The following GPC5 variants were observed in gnomAD, a reference collection of about 807,000 sequenced individuals.
GPC5 encodes glypican-5.
A neutral mutation model predicts 53.9 loss-of-function variants in GPC5; 47 were observed. The ratio of observed to expected loss-of-function variants is 0.87; its 90% CI spans 0.69 to 1.11. The LOEUF (loss-of-function observed/expected upper bound fraction) is 1.11, where lower values mean the gene tolerates loss of function less well. Among genes scored for constraint, GPC5 ranks in the 50% most tolerant of loss-of-function variants. The pLI is 0.00. For synonymous variants in GPC5, 286 were observed against 263.3 expected (o/e 1.09, Z -0.84); for missense variants, 748 against 713.1 (o/e 1.05, Z -0.56).
At chr13:92,204,872 G>T (rs2042321701) in intron 7 of GPC5, among the ~76,000 whole-genome samples, 1 of 152,010 alleles carries the variant, frequency 6.6e-6, no homozygotes, top group South Asian at 2.1e-4. Flanking sequence ...TTGTTTTTTG[G>T]TTTTTGTTTG....
chr13:92,382,798 C>T (rs2043760140), intron 7 of GPC5, among the ~76,000 whole-genome samples: 4 of 151,754 alleles, frequency 2.6e-5, no homozygotes, highest in Admixed American at 2.0e-4. Flanking sequence ...ATCACGAGGT[C>T]AGGAGATCAA....
intron 5 of GPC5, among the ~76,000 whole-genome samples, chr13:91,777,650 A>T (rs886680953): frequency 1.1e-4 from 16 of 152,200 alleles, no homozygotes; most frequent in Non-Finnish European, 5.9e-5. Context: ...ATTTTAAATT[A>T]AAAAATGTCC....
intron 2 of GPC5, among the ~76,000 whole-genome samples, chr13:91,538,578 A>G (rs965663370): frequency 1.5e-5 from 2 of 136,202 alleles, no homozygotes; most frequent in Admixed American, 1.7e-4. Flanking sequence ...TTCATTGCAA[A>G]TAATTTTTTT....
chr13:92,455,317 G>C (rs1878217901), intron 7 of GPC5, among the ~76,000 whole-genome samples: 1 of 152,072 alleles, frequency 6.6e-6, no homozygotes, highest in Non-Finnish European at 1.5e-5. Flanking sequence ...GAAAAGGATA[G>C]AAATATCCAG....
intron 7 of GPC5, among the ~76,000 whole-genome samples, chr13:92,204,825 A>G (rs1189798583): frequency 1.3e-5 from 2 of 152,168 alleles, no homozygotes; most frequent in East Asian, 1.9e-4. Flanking sequence ...CAATCCAGGA[A>G]GCTCATAGGA....
intron 7 of GPC5, among the ~76,000 whole-genome samples, chr13:92,637,075 T>C (rs548353670): frequency 1.3e-5 from 2 of 152,248 alleles, no homozygotes; most frequent in African/African-American, 2.4e-5. Flanking sequence ...CCACTCTCAC[T>C]GTACTGCCTT....
rs59036154 is a variant in GPC5 at position 92,740,896 on chromosome 13, TTATATATATATA to T, written c.1562-125374_1562-125363del. Among the ~76,000 whole-genome samples, 23 of 134,904 alleles carry T rather than the reference TTATATATATATA, an allele frequency of 1.7e-4. No individual in the cohort carries two copies. The East Asian group carries it at 4.5e-3, about 26-fold the overall frequency. The allele number at this position is 134,904 out of a possible 152,430, so 88.5% of individuals were successfully genotyped here. ...TATGTATGTATGTATATTTATTTAT[TTATATATATATA>T]TATATATATATGTGCATATGTATGC... is the stretch of plus-strand genomic sequence containing the variant. On this transcript the variant is annotated intron_variant, in intron 7 of 7. Coordinates refer to ENST00000377067, the MANE Select transcript of GPC5 (RefSeq NM_004466.6).
At position 91,448,842 on chromosome 13, in the gene GPC5, G is replaced by T. The variant is rs201226040; in HGVS notation, c.245G>T (p.Arg82Leu). 3.7e-5 allele frequency: 60 copies of T among 1,612,124 alleles called. No homozygotes were observed. Among genetic ancestry groups the T allele is most frequent in the Non-Finnish European group, 4.9e-5 (58 of 1,179,444 alleles). The change falls in exon 2 of 8, where the codon CGC becomes CTC. Residue 82 changes from arginine to leucine, a missense_variant. Coordinates refer to ENST00000377067, the MANE Select transcript of GPC5 (RefSeq NM_004466.6). ...GAGGAGAGATATCAGATTGCGGCTC[G>T]CCAGGATATGCAGCAGTTTCTTCAA... ...KMEERYQIAA[R>L]QDMQQFLQTS...
intron 5 of GPC5, among the ~76,000 whole-genome samples, chr13:91,765,945 T>TA (rs1224595854): frequency 1.3e-5 from 2 of 152,228 alleles, no homozygotes; most frequent in African/African-American, 4.8e-5. Context: ...AACGGAGTGT[T>TA]ATACTATATT....
chr13:91,944,806 G>A (rs934774360), intron 6 of GPC5, among the ~76,000 whole-genome samples: 3 of 152,092 alleles, frequency 2.0e-5, no homozygotes, highest in African/African-American at 7.2e-5. Flanking sequence ...GCTTATAACT[G>A]TACACTTTAT....
chr13:91,608,369 T>A (rs562151556), intron 2 of GPC5, among the ~76,000 whole-genome samples: 1 of 152,330 alleles, frequency 6.6e-6, no homozygotes, highest in East Asian at 1.9e-4. Flanking sequence ...GAACAAAATT[T>A]GTTTCTGTCA....
intron 7 of GPC5, among the ~76,000 whole-genome samples, chr13:92,396,110 C>T (rs2139330095): frequency 6.6e-6 from 1 of 152,060 alleles, no homozygotes; most frequent in East Asian, 1.9e-4. Flanking sequence ...CTGAAATTAT[C>T]CCCCAGTTCT....
intron 7 of GPC5, among the ~76,000 whole-genome samples, chr13:92,352,983 G>A (rs970004744): frequency 2.3e-4 from 35 of 152,120 alleles, no homozygotes; most frequent in East Asian, 7.8e-4. Flanking sequence ...GTATCAGGCC[G>A]GGCGCGGTGG....
intron 5 of GPC5, among the ~76,000 whole-genome samples, chr13:91,819,586 G>A (rs2038458303): frequency 6.6e-6 from 1 of 152,112 alleles, no homozygotes; most frequent in South Asian, 2.1e-4. Flanking sequence ...ATTGCGTACA[G>A]CTGTGGTTTA....
chr13:92,385,353 TACATATATACATATATATAC>T (rs2043784870), intron 7 of GPC5, among the ~76,000 whole-genome samples: 2 of 87,748 alleles, frequency 2.3e-5, no homozygotes, highest in African/African-American at 8.7e-5. Context: ...TATACATATA[TACATATATACATATATATAC>T]ATATATACAT....
intron 5 of GPC5, among the ~76,000 whole-genome samples, chr13:91,884,728 C>T (rs7992791): frequency 0.86 from 130,388 of 152,196 alleles, 55,995 homozygotes; most frequent in East Asian, 0.98. Flanking sequence ...GAAATAAGTG[C>T]GGCTTACACT....
chr13:92,831,738 G>C (rs187061600), intron 7 of GPC5, among the ~76,000 whole-genome samples: 295 of 152,270 alleles, frequency 1.9e-3, no homozygotes, highest in Non-Finnish European at 3.2e-3. Context: ...TGTTATCTGA[G>C]CTCTCTCTGT....
chr13:91,828,251 A>C lies in GPC5; in HGVS notation c.1280+71831A>C, dbSNP rs188298516. Among the ~76,000 whole-genome samples the C allele has an allele frequency of 4.9e-4, 74 of 152,130 alleles. 1 individual carries two copies. Among genetic ancestry groups the C allele is most frequent in the African/African-American group, 1.7e-3 (72 of 41,544 alleles). On this transcript the variant is annotated intron_variant, in intron 5 of 7. Transcript: ENST00000377067. ...CAAAAACTCATTGAATGGTACATTTAATATTTGTGCATTTCACCCTATGTC... is the reference window on the plus strand; with the variant it reads ...CAAAAACTCATTGAATGGTACATTTCATATTTGTGCATTTCACCCTATGTC...
chr13:91,720,312 G>A (rs1194692757), intron 3 of GPC5, among the ~76,000 whole-genome samples: 3 of 152,122 alleles, frequency 2.0e-5, no homozygotes, highest in African/African-American at 4.8e-5. Flanking sequence ...CACTGATAGT[G>A]TTCTTCTGAT....
Sources: gnomAD v4.1 joint callset for allele counts (sites outside exome capture counted in the v4.1 genomes callset) on GRCh38, gnomAD v4.1.1 for gene constraint, MANE v1.5 for transcripts, NCBI Gene and HGNC (gene_info 2026-07-23, HGNC 2026-07-21) for gene names.